Variants in POLR2F observed in about 807,000 individuals in gnomAD.
The protein encoded by POLR2F is RNA polymerase II, I and III subunit F.
A neutral mutation model predicts 22.7 loss-of-function variants in POLR2F; 12 were observed. The observed-to-expected ratio is 0.53, with a 90% CI of 0.34 to 0.86. POLR2F has a LOEUF of 0.86. POLR2F is among the 40% of genes least tolerant of loss of function. The probability of loss-of-function intolerance (pLI) is 0.02; values close to 1 mark genes in which losing one functional copy is unlikely to be tolerated. For missense variants in POLR2F, 126 were observed against 171.5 expected (o/e 0.73, Z 1.48); for synonymous variants, 57 against 66.0 (o/e 0.86, Z 0.66).
intron 1 of POLR2F, chr22:37,988,111 C>T (rs1273564554): frequency 7.0e-6 from 1 of 143,794 alleles, no homozygotes; most frequent in Admixed American, 7.1e-5. Context: ...ATCATGAGGT[C>T]GAGAGATTGA....
At position 38,020,206 on chromosome 22, in the gene POLR2F, T is replaced by TATAC. The variant is rs1555945798; in HGVS notation, c.121-5662_121-5661insTACA. Among the ~76,000 whole-genome samples, 93 of 144,804 alleles carry TATAC rather than the reference T, an allele frequency of 6.4e-4. 1 individual carries two copies. Among genetic ancestry groups the TATAC allele is most frequent in the Middle Eastern group, 3.5e-3 (1 of 288 alleles). The allele number at this position is 144,804 out of a possible 152,430, so 95.0% of individuals were successfully genotyped here. On this transcript the variant is annotated intron_variant, in intron 1 of 2. Transcript: ENST00000333418. ...TCTGCTAAATACACACACACATATA[T>TATAC]ACACACACACACACACACACACACA...
intron 3 of POLR2F, among the ~76,000 whole-genome samples, chr22:37,959,843 A>T (rs1931557080): frequency 6.8e-6 from 1 of 148,074 alleles, no homozygotes; most frequent in Non-Finnish European, 1.5e-5. Context: ...TCGCTGAGTC[A>T]CCTAGGCTGG....
At chr22:37,986,024 C>T (rs986230065), upstream of POLR2F, 63 of 1,374,730 alleles carry the variant, frequency 4.6e-5, no homozygotes, top group East Asian at 2.4e-4. The surrounding 1 kb of genome is among the most constrained non-coding windows in gnomAD (Gnocchi z 4.7). Flanking sequence ...CTCCTCCCCC[C>T]GCCTCCCTTC....
chr22:37,998,392 C>T (rs1156758777), intron 1 of POLR2F, among the ~76,000 whole-genome samples: 1 of 152,212 alleles, frequency 6.6e-6, no homozygotes, highest in Non-Finnish European at 1.5e-5. Flanking sequence ...GGTCCAGAGA[C>T]ATCAGGCTGG....
At position 38,036,878 on chromosome 22, in the gene POLR2F, C is replaced by T. The variant is rs146648927; in HGVS notation, c.453-4190C>T. On this transcript the variant is annotated intron_variant, in intron 5 of 5. Coordinates refer to the POLR2F transcript ENST00000407936. ...CACATTCCCTCTCAGGCCTTTTGTG[C>T]TGTTGCCACCGGCTGGAACATTCTT... 2.0e-5 allele frequency among the ~76,000 whole-genome samples: 3 copies of T among 152,282 alleles called. No homozygotes were observed. The East Asian group carries it at 5.8e-4, about 29-fold the overall frequency.
chr22:38,040,147 A>G (rs191836477), intron 5 of POLR2F, among the ~76,000 whole-genome samples: 7 of 151,926 alleles, frequency 4.6e-5, no homozygotes, highest in Admixed American at 4.6e-4. Context: ...ATGGTGGTGT[A>G]TGCCTGTGGT....
chr22:38,038,907 G>C (rs2085143778), intron 5 of POLR2F, among the ~76,000 whole-genome samples: 1 of 152,016 alleles, frequency 6.6e-6, no homozygotes, highest in African/African-American at 2.4e-5. Context: ...GGGCGGCCTG[G>C]GCTTTCCCAG....
downstream of POLR2F, among the ~76,000 whole-genome samples, chr22:38,030,015 A>C (rs2085049823): frequency 6.6e-6 from 1 of 152,250 alleles, no homozygotes. Flanking sequence ...GCAGGAAACT[A>C]AGGAAGCAAG....
chr22:37,971,662 C>T (rs1932056010), downstream of POLR2F, among the ~76,000 whole-genome samples: 1 of 152,140 alleles, frequency 6.6e-6, no homozygotes, highest in Non-Finnish European at 1.5e-5. Flanking sequence ...TGTGTGTGTG[C>T]TGGGGGAGGT....
chr22:37,961,971 C>T (rs950948455), intron 3 of POLR2F, among the ~76,000 whole-genome samples: 3 of 152,136 alleles, frequency 2.0e-5, no homozygotes, highest in Non-Finnish European at 4.4e-5. Context: ...TGGCTCACAA[C>T]TGTAATCCCA....
chr22:37,979,203 T>G (rs796394617), intron 4 of POLR2F, among the ~76,000 whole-genome samples: 14 of 152,232 alleles, frequency 9.2e-5, no homozygotes, highest in African/African-American at 3.4e-4. Flanking sequence ...GTTCAAGCGA[T>G]TCTCCTGCCT....
intron 1 of POLR2F, among the ~76,000 whole-genome samples, chr22:38,003,373 C>T (rs1309138046): frequency 1.3e-5 from 2 of 152,048 alleles, no homozygotes; most frequent in Non-Finnish European, 2.9e-5. Context: ...ATTACAGGTG[C>T]GTGTCGCCAC....
At position 37,978,199 on chromosome 22, in the gene POLR2F, G is replaced by C; in HGVS notation, c.293+11029G>C. ...CTGGCGTGAATGCCAGAGCACTCCAGGTTGGCCTCCCTCTGAGTGTCCATC... is the reference window on the plus strand; with the variant it reads ...CTGGCGTGAATGCCAGAGCACTCCACGTTGGCCTCCCTCTGAGTGTCCATC... On this transcript the variant is annotated intron_variant, in intron 4 of 4. Transcript: ENST00000405557. The surrounding 1 kb of genome is among the most constrained non-coding windows in gnomAD (Gnocchi z 5.0). The C allele has an allele frequency of 6.9e-7, 1 of 1,446,176 alleles. No individual in the cohort carries two copies. 89.6% of individuals were successfully genotyped at this position (1,446,176 alleles called of 1,614,324 possible).
intron 1 of POLR2F, among the ~76,000 whole-genome samples, chr22:38,022,925 C>T (rs955380610): frequency 6.6e-6 from 1 of 152,014 alleles, no homozygotes; most frequent in African/African-American, 2.4e-5. Context: ...GCAGGGGGAT[C>T]GCTTGAACCC....
intron 1 of POLR2F, among the ~76,000 whole-genome samples, 165 bp from the exon 2 acceptor site, chr22:37,956,608 G>A (rs928515111): frequency 2.6e-5 from 4 of 152,016 alleles, no homozygotes; most frequent in African/African-American, 9.7e-5. Flanking sequence ...GTAGAGATGG[G>A]GTTTTGCCTT....
At chr22:38,041,181 C>T (rs2085168964), downstream of POLR2F, 2 of 1,603,074 alleles carry the variant, frequency 1.2e-6, no homozygotes, top group Non-Finnish European at 1.7e-6. Context: ...GTGGTGGGGA[C>T]TGGTCAAGGC....
intron 3 of POLR2F, among the ~76,000 whole-genome samples, chr22:37,966,594 G>A (rs1315603870): frequency 6.6e-6 from 1 of 151,994 alleles, no homozygotes; most frequent in African/African-American, 2.4e-5. Context: ...GCAACATGGC[G>A]AAATGTTAAT....
intron 1 of POLR2F, among the ~76,000 whole-genome samples, chr22:38,007,634 G>A (rs961439198): frequency 1.3e-5 from 2 of 152,240 alleles, no homozygotes; most frequent in Admixed American, 6.5e-5. Flanking sequence ...AGGTGACAGA[G>A]AGGGCACCGC....
intron 1 of POLR2F, among the ~76,000 whole-genome samples, chr22:37,996,125 G>A (rs142917114): frequency 1.2e-3 from 180 of 152,330 alleles, no homozygotes; most frequent in African/African-American, 4.2e-3. Flanking sequence ...GACACCCTGG[G>A]GGACCAGGCT....
Sources: gnomAD v4.1 joint callset for allele counts (sites outside exome capture counted in the v4.1 genomes callset) on GRCh38, gnomAD v4.1.1 for gene constraint, Gnocchi (gnomAD v3.1) non-coding constraint, MANE v1.5 for transcripts, NCBI Gene and HGNC (gene_info 2026-07-23, HGNC 2026-07-21) for gene names.